The following UPP2 variants were observed in gnomAD, a reference collection of about 807,000 sequenced individuals.
The protein encoded by UPP2 is uridine phosphorylase 2, also known as UPase 2.
Under a neutral mutation model 26.7 loss-of-function variants are expected in UPP2, and 23 were observed. That is an observed-to-expected ratio of 0.86 (90% CI 0.62 to 1.22). UPP2 has a LOEUF of 1.22. UPP2 is among the 50% of genes most tolerant of loss of function. UPP2 has a pLI of 0.00. For synonymous variants in UPP2, 127 were observed against 141.3 expected (o/e 0.90, Z 0.72); for missense variants, 387 against 396.7 (o/e 0.98, Z 0.21).
chr2:158,128,422 T>C (rs1683737812), intron 6 of UPP2, among the ~76,000 whole-genome samples: 1 of 152,186 alleles, frequency 6.6e-6, no homozygotes, highest in Non-Finnish European at 1.5e-5. Context: ...AAGGTTATAA[T>C]CAGTTTGGAG....
intron 3 of UPP2, among the ~76,000 whole-genome samples, chr2:158,083,819 C>T (rs1014353584): frequency 2.0e-5 from 3 of 146,484 alleles, no homozygotes; most frequent in African/African-American, 7.6e-5. Flanking sequence ...TATATATATA[C>T]ACGTATATAT....
intron 3 of UPP2, among the ~76,000 whole-genome samples, chr2:158,092,034 G>C (rs1376650223): frequency 6.6e-6 from 1 of 152,130 alleles, no homozygotes; most frequent in Non-Finnish European, 1.5e-5. Context: ...AGCACACCCA[G>C]AGAGTGTGTG....
intron 2 of UPP2, among the ~76,000 whole-genome samples, chr2:158,111,680 T>C (rs949817321): frequency 6.6e-6 from 1 of 152,202 alleles, no homozygotes; most frequent in Non-Finnish European, 1.5e-5. Flanking sequence ...TTTGGGATAG[T>C]TGAACATTTT....
intron 3 of UPP2, among the ~76,000 whole-genome samples, chr2:158,043,767 A>C (rs913057761): frequency 6.6e-6 from 1 of 152,186 alleles, no homozygotes; most frequent in African/African-American, 2.4e-5. Flanking sequence ...AGATCAAGAC[A>C]CTTGAAATTG....
chr2:158,011,879 G>T (rs191265908), intron 2 of UPP2, among the ~76,000 whole-genome samples: 3 of 152,172 alleles, frequency 2.0e-5, no homozygotes, highest in African/African-American at 7.2e-5. Context: ...GGGGATAGGG[G>T]TGTGTTTGCT....
intron 2 of UPP2, among the ~76,000 whole-genome samples, chr2:158,007,542 C>T (rs1683510373): frequency 6.6e-6 from 1 of 152,154 alleles, no homozygotes; most frequent in African/African-American, 2.4e-5. Context: ...TGCTGCCCTG[C>T]CTGGCAACTT....
chr2:158,080,249 C>A (rs1682701738), intron 3 of UPP2, among the ~76,000 whole-genome samples: 2 of 151,844 alleles, frequency 1.3e-5, no homozygotes, highest in African/African-American at 2.4e-5. Context: ...CTTATTTTAT[C>A]TTCCCAATAC....
At chr2:158,026,406 C>A (rs1232986766) in intron 3 of UPP2, among the ~76,000 whole-genome samples, 1 of 152,130 alleles carries the variant, frequency 6.6e-6, no homozygotes, top group Non-Finnish European at 1.5e-5. Context: ...GTTCTCTGAT[C>A]AGGCCAGCTC....
intron 2 of UPP2, among the ~76,000 whole-genome samples, chr2:158,112,662 A>G (rs2105219795): frequency 6.6e-6 from 1 of 152,348 alleles, no homozygotes; most frequent in Non-Finnish European, 1.5e-5. Context: ...TGTCTTTTAT[A>G]AAATCACTAA....
At chr2:158,130,639 T>C (rs1230484673) in intron 6 of UPP2, among the ~76,000 whole-genome samples, 3 of 152,182 alleles carry the variant, frequency 2.0e-5, no homozygotes, top group African/African-American at 7.2e-5. Context: ...TTCATAGGTA[T>C]AATGAATTGG....
Position 158,135,780 on chromosome 2 carries a change from C to G in UPP2, c.*890C>G, listed in dbSNP as rs112453744. The G allele has an allele frequency of 1.1e-3, 164 of 152,286 alleles. No individual in the cohort carries two copies. The highest frequency in any genetic ancestry group is 3.6e-3 in the African/African-American group (149 of 41,552). 9.4% of individuals were successfully genotyped at this position (152,286 alleles called of 1,614,324 possible). A position where few individuals can be genotyped will look rare whatever the true frequency, so the allele number is the denominator to read the frequency against. On this transcript the variant is annotated 3_prime_UTR_variant, in exon 7 of 7. Transcript: ENST00000005756. ...TTGATTCTCTGGGAGGCATGGTGCT[C>G]CTCCTGGCTGCACATGCTCTCTGTG...
intron 3 of UPP2, among the ~76,000 whole-genome samples, chr2:158,032,838 G>T (rs1029682670): frequency 1.3e-5 from 2 of 152,134 alleles, no homozygotes; most frequent in African/African-American, 4.8e-5. Context: ...TTTCATATCT[G>T]ACAGGCAGCA....
rs191071115 is a variant in UPP2 at position 158,084,784 on chromosome 2, G to A, written c.148-17256G>A. ...CCCACTTTATGTTTTTGTTTGCTTTGTTGAAGATCAGTTTGGTGTAAGTAT... is the reference window on the plus strand; with the variant it reads ...CCCACTTTATGTTTTTGTTTGCTTTATTGAAGATCAGTTTGGTGTAAGTAT... On this transcript the variant is annotated intron_variant, in intron 3 of 9. Transcript: ENST00000605860. 5.5e-4 allele frequency among the ~76,000 whole-genome samples: 84 copies of A among 152,136 alleles called. 1 individual carries two copies.
chr2:158,134,649 C>T (rs1004249007), intron 6 of UPP2, 99 bp from the exon 7 acceptor site: 5 of 1,353,950 alleles, frequency 3.7e-6, no homozygotes, highest in Non-Finnish European at 4.8e-6. Context: ...CAAAAATACA[C>T]AAAAGTACAT....
intron 3 of UPP2, among the ~76,000 whole-genome samples, chr2:158,053,692 T>G (rs932763751): frequency 2.0e-5 from 3 of 152,188 alleles, no homozygotes; most frequent in African/African-American, 7.2e-5. Context: ...ATAAATAATC[T>G]TATGAAGCTA....
At chr2:158,053,173 A>C (rs991741570) in intron 3 of UPP2, among the ~76,000 whole-genome samples, 1 of 152,186 alleles carries the variant, frequency 6.6e-6, no homozygotes, top group African/African-American at 2.4e-5. Flanking sequence ...GTGTGTGGTG[A>C]ATAACAATAG....
intron 3 of UPP2, among the ~76,000 whole-genome samples, chr2:158,079,549 C>T (rs779996927): frequency 2.3e-4 from 35 of 152,090 alleles, no homozygotes; most frequent in Non-Finnish European, 4.7e-4. Context: ...ACAGGTAGCA[C>T]CTGTCATCAT....
intron 3 of UPP2, among the ~76,000 whole-genome samples, chr2:158,055,823 AT>A (rs1682237992): frequency 6.6e-6 from 1 of 152,140 alleles, no homozygotes; most frequent in South Asian, 2.1e-4. Flanking sequence ...ACAGCCAGCC[AT>A]TTAAGCTTAA....
At chr2:158,054,935 C>T (rs541691779) in intron 3 of UPP2, among the ~76,000 whole-genome samples, 4 of 152,118 alleles carry the variant, frequency 2.6e-5, no homozygotes, top group Non-Finnish European at 4.4e-5. Flanking sequence ...ACTGAAACTC[C>T]GTACCCATTA....
Sources: gnomAD v4.1 joint callset for allele counts (sites outside exome capture counted in the v4.1 genomes callset) on GRCh38, gnomAD v4.1.1 for gene constraint, MANE v1.5 for transcripts, NCBI Gene and HGNC (gene_info 2026-07-23, HGNC 2026-07-21) for gene names.